Variants in DNAJC1 observed in about 807,000 individuals in gnomAD.
The protein encoded by DNAJC1 is DnaJ heat shock protein family (Hsp40) member C1.
In DNAJC1, 58 loss-of-function variants were observed where a neutral mutation model predicts 76.6. The ratio of observed to expected loss-of-function variants is 0.76; its 90% CI spans 0.61 to 0.94. DNAJC1 has a LOEUF of 0.94. Among genes scored for constraint, DNAJC1 ranks in the 40% least tolerant of loss-of-function variants. The probability of loss-of-function intolerance (pLI) is 0.00; values close to 1 mark genes in which losing one functional copy is unlikely to be tolerated. For missense variants in DNAJC1, 689 were observed against 677.3 expected (o/e 1.02, Z -0.19); for synonymous variants, 258 against 267.9 (o/e 0.96, Z 0.36).
intron 6 of DNAJC1, among the ~76,000 whole-genome samples, chr10:21,911,672 G>A (rs1288126836): frequency 1.3e-5 from 2 of 152,130 alleles, no homozygotes; most frequent in African/African-American, 2.4e-5. Flanking sequence ...CTCAATGTAA[G>A]AATCCTACAA....
chr10:21,959,110 A>T (rs779819051), intron 1 of DNAJC1, among the ~76,000 whole-genome samples: 2 of 151,996 alleles, frequency 1.3e-5, no homozygotes, highest in Non-Finnish European at 2.9e-5. Flanking sequence ...AACACCAAGA[A>T]ATCCAACATA....
intron 8 of DNAJC1, among the ~76,000 whole-genome samples, chr10:21,842,260 A>G (rs909728948): frequency 2.0e-5 from 3 of 152,108 alleles, no homozygotes; most frequent in Non-Finnish European, 2.9e-5. Flanking sequence ...GAATTAAAAA[A>G]AAAAAACCTC....
At chr10:21,866,136 A>AG in intron 8 of DNAJC1, among the ~76,000 whole-genome samples, 1 of 136,982 alleles carries the variant, frequency 7.3e-6, no homozygotes, top group Non-Finnish European at 1.6e-5. Flanking sequence ...CTTCAACTCA[A>AG]AAAAAAAAAA....
At chr10:21,834,787 T>C (rs1011717170) in intron 8 of DNAJC1, among the ~76,000 whole-genome samples, 3 of 152,204 alleles carry the variant, frequency 2.0e-5, no homozygotes, top group African/African-American at 4.8e-5. Flanking sequence ...GCACCCGCCA[T>C]TGCCAAGTTA....
chr10:21,761,293 T>C (rs1378685552), intron 10 of DNAJC1, among the ~76,000 whole-genome samples: 2 of 152,178 alleles, frequency 1.3e-5, no homozygotes, highest in East Asian at 3.8e-4. Flanking sequence ...ACACGGTGGC[T>C]CACGCCTGTA....
chr10:21,994,496 C>G (rs1838381148), intron 1 of DNAJC1, among the ~76,000 whole-genome samples: 1 of 152,050 alleles, frequency 6.6e-6, no homozygotes, highest in Non-Finnish European at 1.5e-5. Flanking sequence ...ATGCTTTAAA[C>G]ATAAGAAGTT....
intron 9 of DNAJC1, among the ~76,000 whole-genome samples, chr10:21,775,302 A>T (rs1168348891): frequency 3.4e-5 from 5 of 148,276 alleles, no homozygotes; most frequent in African/African-American, 1.2e-4. Context: ...GTCATAAGAC[A>T]GTTTCATAAA....
chr10:21,989,748 T>C (rs1386547244), intron 1 of DNAJC1, among the ~76,000 whole-genome samples: 1 of 152,146 alleles, frequency 6.6e-6, no homozygotes, highest in African/African-American at 2.4e-5. Context: ...GGTATCTGGA[T>C]CTGCAATGGC....
Position 21,882,384 on chromosome 10 carries a change from T to C in DNAJC1, c.876A>G (p.Glu292=), listed in dbSNP as rs748358619. Residue 292 remains glutamate, a synonymous_variant, in exon 8 of 12, where the codon GAA becomes GAG. Coordinates refer to ENST00000376980, the MANE Select transcript of DNAJC1 (RefSeq NM_022365.4). ...GATCATAAGACTGAATATATGTAGT[T>C]TCTAAAGGTGTGTATACAGGAAATT... ...KPEFPVYTPL[E]TTYIQSYDHG... The C allele has an allele frequency of 4.4e-6, 7 of 1,592,034 alleles. No homozygotes were observed. In the South Asian group the frequency reaches 7.0e-5, roughly 16 times the overall value.
chr10:21,901,406 A>G (rs1268299027), intron 7 of DNAJC1, among the ~76,000 whole-genome samples: 1 of 152,220 alleles, frequency 6.6e-6, no homozygotes, highest in East Asian at 1.9e-4. Context: ...ATTTAGAATA[A>G]AACATATCAT....
intron 1 of DNAJC1, among the ~76,000 whole-genome samples, chr10:21,996,680 A>T (rs1387433506): frequency 6.6e-6 from 1 of 152,218 alleles, no homozygotes; most frequent in Admixed American, 6.5e-5. Context: ...AACTGAGAAT[A>T]GCATAAAAGG....
chr10:21,918,797 T>C lies in DNAJC1; in HGVS notation c.711A>G (p.Ala237=). ...ATTTTACCTGGATGAGGTGAGGTAA[T>C]GCTTTTAGTGTAAGGCAAAACCAAA... ...LGIWFCLTLK[A]LPHLIQDAGQ... The change falls in exon 6 of 12, where the codon GCA becomes GCG. Residue 237 remains alanine (A), a synonymous_variant. Transcript: ENST00000376980. 5.6e-6 allele frequency: 9 copies of C among 1,612,974 alleles called. No individual in the cohort carries two copies. The highest frequency in any genetic ancestry group is 6.8e-6 in the Non-Finnish European group (8 of 1,179,100).
intron 6 of DNAJC1, among the ~76,000 whole-genome samples, chr10:21,910,919 G>C (rs1290000815): frequency 6.9e-6 from 1 of 145,734 alleles, no homozygotes; most frequent in Admixed American, 6.9e-5. Context: ...AAGAAAGAAA[G>C]AGAGAGATGG....
intron 9 of DNAJC1, among the ~76,000 whole-genome samples, chr10:21,784,243 T>C (rs902757165): frequency 1.8e-4 from 28 of 152,242 alleles, no homozygotes; most frequent in East Asian, 3.9e-4. Flanking sequence ...GGGCGAAGGA[T>C]ATGAACAGAC....
intron 7 of DNAJC1, 145 bp downstream of exon 7, chr10:21,904,377 T>C (rs1034197692): frequency 8.8e-6 from 4 of 452,052 alleles, no homozygotes; most frequent in Non-Finnish European, 1.5e-5. Context: ...GTCAAATACA[T>C]TAAGTACAAG....
At chr10:21,792,777 A>T (rs78123665) in intron 9 of DNAJC1, among the ~76,000 whole-genome samples, 3 of 150,432 alleles carry the variant, frequency 2.0e-5, no homozygotes, top group African/African-American at 7.4e-5. Context: ...AAAAAAAAAA[A>T]TTAGCTAACC....
At position 21,927,208 on chromosome 10, in the gene DNAJC1, T is replaced by C. The variant is rs571233203; in HGVS notation, c.371+1298A>G. Among the ~76,000 whole-genome samples, 125 of 152,346 alleles carry C rather than the reference T, an allele frequency of 8.2e-4. No homozygotes were observed. The South Asian group carries it at 9.7e-3, about 12-fold the overall frequency. ...ATGGTATCTGGACCAATGCCAGCCC[T>C]TGTTATAAAGTGAAGAACACTTTAA... On this transcript the variant is annotated intron_variant, in intron 3 of 11. Coordinates refer to ENST00000376980, the MANE Select transcript of DNAJC1 (RefSeq NM_022365.4).
intron 8 of DNAJC1, among the ~76,000 whole-genome samples, chr10:21,813,488 C>T (rs923277528): frequency 1.1e-4 from 16 of 151,610 alleles, no homozygotes; most frequent in Middle Eastern, 3.4e-3. Flanking sequence ...CTCTGCCTCC[C>T]GGGTTCACAC....
chr10:21,833,581 T>G (rs1329766574), intron 8 of DNAJC1, among the ~76,000 whole-genome samples: 1 of 152,226 alleles, frequency 6.6e-6, no homozygotes, highest in African/African-American at 2.4e-5. Flanking sequence ...TGGGAGAATT[T>G]ACCTTGCCTC....
Sources: allele counts gnomAD v4.1 joint callset (sites outside exome capture counted in the v4.1 genomes callset), GRCh38; gene constraint gnomAD v4.1.1; transcripts MANE v1.5; gene names NCBI Gene and HGNC (gene_info 2026-07-23, HGNC 2026-07-21).